Variants in UVRAG observed in about 807,000 individuals in gnomAD.
UVRAG encodes the protein UV radiation resistance-associated gene protein.
In UVRAG, 19 loss-of-function variants were observed where a neutral mutation model predicts 78.0. The ratio of observed to expected loss-of-function variants is 0.24; its 90% CI spans 0.17 to 0.36. The LOEUF (loss-of-function observed/expected upper bound fraction) is 0.36, where lower values mean the gene tolerates loss of function less well. UVRAG is among the 10% of genes least tolerant of loss of function. The pLI is 1.00. For missense variants in UVRAG, 740 were observed against 853.8 expected (o/e 0.87, Z 1.66); for synonymous variants, 323 against 324.6 (o/e 1.00, Z 0.05).
chr11:75,844,460 C>G (rs773306080), intron 1 of UVRAG, among the ~76,000 whole-genome samples: 1 of 151,910 alleles, frequency 6.6e-6, no homozygotes, highest in Admixed American at 6.6e-5. Context: ...CTCCTGACCT[C>G]GTGATCTGCC....
At chr11:75,974,793 G>T (rs1259520066) in intron 7 of UVRAG, among the ~76,000 whole-genome samples, 1 of 152,146 alleles carries the variant, frequency 6.6e-6, no homozygotes, top group Non-Finnish European at 1.5e-5. Flanking sequence ...TGTCAGATGA[G>T]TAGATTGCAA....
chr11:76,040,471 C>CAA (rs1268306462), intron 12 of UVRAG, among the ~76,000 whole-genome samples: 3 of 77,828 alleles, frequency 3.9e-5, no homozygotes, highest in Non-Finnish European at 5.3e-5. Flanking sequence ...TACTCCATCT[C>CAA]AAAAAAAAAA....
At chr11:76,010,902 T>C (rs1161892748) in intron 11 of UVRAG, among the ~76,000 whole-genome samples, 2 of 152,056 alleles carry the variant, frequency 1.3e-5, no homozygotes, top group African/African-American at 2.4e-5. Flanking sequence ...CTCGAGGAAG[T>C]AGGAAATGCC....
intron 1 of UVRAG, among the ~76,000 whole-genome samples, chr11:75,830,229 G>T (rs1406252013): frequency 6.6e-6 from 1 of 152,084 alleles, no homozygotes; most frequent in Non-Finnish European, 1.5e-5. Context: ...TTCTTGGAAT[G>T]CCAGAATATC....
intron 6 of UVRAG, among the ~76,000 whole-genome samples, chr11:75,923,656 C>T (rs920800570): frequency 6.6e-6 from 1 of 152,120 alleles, no homozygotes; most frequent in Non-Finnish European, 1.5e-5. Flanking sequence ...AGTTCAGGTG[C>T]ATTTTATAAG....
chr11:75,949,794 CAT>C (rs1328454830), intron 6 of UVRAG, among the ~76,000 whole-genome samples: 3 of 150,278 alleles, frequency 2.0e-5, no homozygotes, highest in Non-Finnish European at 4.4e-5. Flanking sequence ...CACACACACA[CAT>C]ATACACACAG....
chr11:75,910,488 CA>C (rs1453469563), intron 5 of UVRAG, among the ~76,000 whole-genome samples: 5 of 150,850 alleles, frequency 3.3e-5, no homozygotes, highest in Admixed American at 2.6e-4. Context: ...GTACTCTCCC[CA>C]CCCCCCACTT....
intron 7 of UVRAG, among the ~76,000 whole-genome samples, chr11:75,967,725 T>C (rs1437077876): frequency 2.0e-5 from 3 of 152,236 alleles, no homozygotes. Context: ...GCTATTAAGC[T>C]AATGTCTAGC....
At chr11:75,839,481 G>T (rs1239397422) in intron 1 of UVRAG, among the ~76,000 whole-genome samples, 1 of 152,004 alleles carries the variant, frequency 6.6e-6, no homozygotes, top group Non-Finnish European at 1.5e-5. Flanking sequence ...ATGTGTGTGT[G>T]TGTGTATTTT....
intron 4 of UVRAG, among the ~76,000 whole-genome samples, chr11:75,882,706 C>T (rs1342012289): frequency 1.3e-5 from 2 of 152,112 alleles, no homozygotes; most frequent in Admixed American, 6.6e-5. Context: ...CTCCCCTCCA[C>T]GCAGCTCCTG....
At chr11:75,877,132 A>G (rs1216559980) in intron 3 of UVRAG, among the ~76,000 whole-genome samples, 2 of 151,958 alleles carry the variant, frequency 1.3e-5, no homozygotes, top group East Asian at 3.9e-4. Context: ...CTGAGTGGAC[A>G]CAGCACATGT....
chr11:76,000,488 G>T (rs907767823), intron 8 of UVRAG, among the ~76,000 whole-genome samples: 38 of 152,048 alleles, frequency 2.5e-4, no homozygotes, highest in Admixed American at 1.8e-3. Flanking sequence ...TGCACCTGTA[G>T]TCCTAGCTAC....
At chr11:75,897,846 A>G (rs955178262) in intron 5 of UVRAG, among the ~76,000 whole-genome samples, 2 of 128,826 alleles carry the variant, frequency 1.6e-5, no homozygotes, top group African/African-American at 3.0e-5. Flanking sequence ...CTATATATCT[A>G]TATACTTACC....
chr11:76,097,966 T>C (rs1591235210), intron 13 of UVRAG, among the ~76,000 whole-genome samples: 1 of 152,296 alleles, frequency 6.6e-6, no homozygotes, highest in East Asian at 1.9e-4. Context: ...CCTATTACTT[T>C]AATCTACTTT....
At chr11:76,008,667 T>C (rs1197834250) in intron 10 of UVRAG, 140 bp from the exon 11 acceptor site, 1 of 480,516 alleles carries the variant, frequency 2.1e-6, no homozygotes, top group Non-Finnish European at 3.8e-6. Context: ...CACCATGTAC[T>C]CATCATCCAG....
chr11:76,036,730 G>A (rs1950542060), intron 12 of UVRAG, among the ~76,000 whole-genome samples: 1 of 150,488 alleles, frequency 6.6e-6, no homozygotes, highest in African/African-American at 2.4e-5. Flanking sequence ...CATGGTGGCT[G>A]AGTTAAAAAA....
At chr11:76,107,906 A>C (rs1951999300) in intron 13 of UVRAG, among the ~76,000 whole-genome samples, 1 of 152,176 alleles carries the variant, frequency 6.6e-6, no homozygotes, top group African/African-American at 2.4e-5. Context: ...TGCCTACATA[A>C]GGCAAATCTC....
chr11:75,891,107 C>G (rs35009707), intron 5 of UVRAG, among the ~76,000 whole-genome samples: 14,342 of 152,100 alleles, frequency 0.094, 913 homozygotes, highest in Non-Finnish European at 0.15. Flanking sequence ...TTTCAAAGCT[C>G]TCCTCTTCTA....
At chr11:75,833,917 C>T (rs1231813200) in intron 1 of UVRAG, among the ~76,000 whole-genome samples, 2 of 152,196 alleles carry the variant, frequency 1.3e-5, no homozygotes, top group Admixed American at 6.5e-5. Context: ...TCCAGTAAAC[C>T]TACAACCTTC....
Sources: gnomAD v4.1 joint callset for allele counts (sites outside exome capture counted in the v4.1 genomes callset) on GRCh38, gnomAD v4.1.1 for gene constraint, MANE v1.5 for transcripts, NCBI Gene and HGNC (gene_info 2026-07-23, HGNC 2026-07-21) for gene names.